The following MED12L variants were observed in gnomAD, a reference collection of about 807,000 sequenced individuals.
MED12L encodes mediator complex subunit 12L, also known as mediator of RNA polymerase II transcription subunit 12-like protein.
A neutral mutation model predicts 281.3 loss-of-function variants in MED12L; 60 were observed. That is an observed-to-expected ratio of 0.21 (90% confidence interval 0.17 to 0.26). The LOEUF (loss-of-function observed/expected upper bound fraction) is 0.26. Ranked by LOEUF, MED12L falls within the 10% of genes least tolerant of loss-of-function variation. The pLI, the probability that MED12L is intolerant of heterozygous loss-of-function variation, is 1.00. For synonymous variants in MED12L, 974 were observed against 987.2 expected, an observed-to-expected ratio of 0.99 and a Z score of 0.25; for missense variants, 2,146 against 2,680.9, an observed-to-expected ratio of 0.80 and a Z score of 4.41.
In MED12L at chr3:151,362,770, G is replaced by GTA. The variant is rs1331328538; in HGVS notation, c.2957+2167_2957+2168dup. ...TCTAAGACAATTCATGTTTTTAATGGTATTAATAAAGTGTGAAAATATGAA... is the reference window on the plus strand; with the variant it reads ...TCTAAGACAATTCATGTTTTTAATGGTATATTAATAAAGTGTGAAAATATGAA... On this transcript the variant is annotated intron_variant, in intron 21 of 44. Coordinates refer to ENST00000687756, the MANE Select transcript of MED12L (RefSeq NM_001393769.1). 4.6e-5 allele frequency among the ~76,000 whole-genome samples: 7 copies of GTA among 152,180 alleles called. No homozygotes were observed. In the East Asian group the frequency reaches 1.3e-3, roughly 29 times the overall value.
intron 11 of MED12L, among the ~76,000 whole-genome samples, chr3:151,180,741 T>A (rs548229072): frequency 6.6e-6 from 1 of 152,374 alleles, no homozygotes; most frequent in East Asian, 1.9e-4. Flanking sequence ...TCCATATTCA[T>A]TGGATTTTTA....
intron 30 of MED12L, 55 bp from the exon 31 acceptor site, chr3:151,377,955 CTG>C: frequency 6.8e-7 from 1 of 1,475,088 alleles, no homozygotes; most frequent in South Asian, 1.4e-5. Flanking sequence ...TCTGTTATAA[CTG>C]TGAGAGCAGG....
At chr3:151,240,373 CT>C (rs1392129711) in intron 16 of MED12L, among the ~76,000 whole-genome samples, 2 of 152,182 alleles carry the variant, frequency 1.3e-5, no homozygotes, top group African/African-American at 4.8e-5. Flanking sequence ...GGATTTTACA[CT>C]TTTATCCTAA....
chr3:151,209,611 C>G (rs1420676560), intron 16 of MED12L, among the ~76,000 whole-genome samples: 1 of 152,024 alleles, frequency 6.6e-6, no homozygotes, highest in Non-Finnish European at 1.5e-5. Context: ...AAAGAAATCC[C>G]GTGTCATTTT....
chr3:151,235,975 G>A (rs1289320309), intron 16 of MED12L, among the ~76,000 whole-genome samples: 1 of 151,966 alleles, frequency 6.6e-6, no homozygotes, highest in Non-Finnish European at 1.5e-5. Context: ...AGTAATTGTG[G>A]TTTTTGTGAT....
chr3:151,164,053 T>A lies in MED12L; in HGVS notation c.1257+11T>A. ...GCTTTCAATCAGCAGGTAGACTTTATGTTTCAGTGATTTGATGGCTGTTTT... is the reference window on the plus strand; with the variant it reads ...GCTTTCAATCAGCAGGTAGACTTTAAGTTTCAGTGATTTGATGGCTGTTTT... On this transcript the variant is annotated intron_variant, in intron 9 of 44. Coordinates refer to ENST00000687756, the MANE Select transcript of MED12L (RefSeq NM_001393769.1). 6.2e-7 allele frequency: 1 copy of A among 1,611,658 alleles called. No individual in the cohort carries two copies.
At chr3:151,170,059 G>A (rs1721229784) in intron 11 of MED12L, among the ~76,000 whole-genome samples, 1 of 152,188 alleles carries the variant, frequency 6.6e-6, no homozygotes, top group Non-Finnish European at 1.5e-5. Flanking sequence ...AATGGGAGAA[G>A]TTTGTGTGTG....
At position 151,436,199 on chromosome 3, in the gene MED12L, C is replaced by CTTATT. The variant is rs892633459; in HGVS notation, c.*3398_*3402dup. On this transcript the variant is annotated 3_prime_UTR_variant, in exon 45 of 45. Transcript: ENST00000687756. Reference sequence around the variant, plus strand: ...TGGTGAATCATAAGACAGTTCAGTGCTTATTTTCTGTAGGTTTTAGCAAAA... The same window carrying CTTATT: ...TGGTGAATCATAAGACAGTTCAGTGCTTATTTTATTTTCTGTAGGTTTTAGCAAAA... 16 of 153,738 alleles carry CTTATT rather than the reference C, an allele frequency of 1.0e-4. No individual in the cohort carries two copies. The highest frequency in any genetic ancestry group is 2.9e-5 in the Non-Finnish European group (2 of 69,080). The allele number at this position is 153,738 out of a possible 1,614,324, so 9.5% of individuals were successfully genotyped here. A position where few individuals can be genotyped will look rare whatever the true frequency, so the allele number is the denominator to read the frequency against.
chr3:151,252,413 ACT>A (rs1328184579), intron 16 of MED12L, among the ~76,000 whole-genome samples: 2 of 152,146 alleles, frequency 1.3e-5, no homozygotes, highest in Non-Finnish European at 2.9e-5. Context: ...TGGCATAAAT[ACT>A]GATTTTTAAT....
chr3:151,102,902 A>C (rs1402714595), intron 2 of MED12L, among the ~76,000 whole-genome samples: 1 of 152,190 alleles, frequency 6.6e-6, no homozygotes, highest in Non-Finnish European at 1.5e-5. Flanking sequence ...AGAAGGATAA[A>C]AGAAAGGAGC....
At chr3:151,121,094 T>A (rs1021294421) in intron 3 of MED12L, among the ~76,000 whole-genome samples, 1 of 152,246 alleles carries the variant, frequency 6.6e-6, no homozygotes, top group Non-Finnish European at 1.5e-5. Context: ...ACCTTTTGAA[T>A]GTATAGCAAT....
At chr3:151,371,359 T>C (rs550504269) in intron 26 of MED12L, among the ~76,000 whole-genome samples, 1 of 152,332 alleles carries the variant, frequency 6.6e-6, no homozygotes, top group Admixed American at 6.5e-5. Context: ...CATACTACAT[T>C]TTGGTACTTG....
At chr3:151,193,438 G>T in intron 15 of MED12L, 52 bp from the exon 16 acceptor site, 1 of 1,477,550 alleles carries the variant, frequency 6.8e-7, no homozygotes, top group South Asian at 1.2e-5. Flanking sequence ...ACTGTGGTTT[G>T]GTTTTGCTGG....
At chr3:151,389,321 C>T (rs1016353971) in intron 37 of MED12L, among the ~76,000 whole-genome samples, 1 of 152,174 alleles carries the variant, frequency 6.6e-6, no homozygotes, top group Non-Finnish European at 1.5e-5. Context: ...CTGAAGCTCC[C>T]TCTTTTCAAT....
At chr3:151,388,257 TTACC>T in intron 37 of MED12L, 85 bp downstream of exon 37, 2 of 1,478,574 alleles carry the variant, frequency 1.4e-6, no homozygotes, top group Non-Finnish European at 1.8e-6. Context: ...CCTCGAAACA[TTACC>T]AAGAGCAGGA....
intron 36 of MED12L, among the ~76,000 whole-genome samples, chr3:151,385,472 T>TA (rs561512874): frequency 1.1e-3 from 165 of 149,788 alleles, no homozygotes; most frequent in South Asian, 8.9e-3. Context: ...AAGCTTAGTG[T>TA]AAAAAAAAAA....
chr3:151,381,774 C>G (rs1318531461), intron 32 of MED12L, among the ~76,000 whole-genome samples: 1 of 152,128 alleles, frequency 6.6e-6, no homozygotes, highest in Non-Finnish European at 1.5e-5. Flanking sequence ...AGTTAACTAC[C>G]TTGCCCCCTT....
chr3:151,326,326 C>T (rs1749585293), intron 16 of MED12L: 2 of 152,544 alleles, frequency 1.3e-5, no homozygotes, highest in South Asian at 4.1e-4. Flanking sequence ...TTTTATCAAA[C>T]ATTTATTGAT....
chr3:151,287,558 T>C (rs1008871212), intron 16 of MED12L, among the ~76,000 whole-genome samples: 7 of 152,194 alleles, frequency 4.6e-5, no homozygotes, highest in African/African-American at 1.4e-4. Context: ...ACAGAAAGTA[T>C]TGCAGTCCTG....
Sources: allele counts gnomAD v4.1 joint callset (sites outside exome capture counted in the v4.1 genomes callset), GRCh38; gene constraint gnomAD v4.1.1; transcripts MANE v1.5; gene names NCBI Gene and HGNC (gene_info 2026-07-23, HGNC 2026-07-21).